Variants in SNTG1 observed in about 807,000 individuals in gnomAD.
SNTG1 encodes the protein gamma-1-syntrophin.
In SNTG1, 39 loss-of-function variants were observed where a neutral mutation model predicts 74.7. That is an observed-to-expected ratio of 0.52 (90% CI 0.40 to 0.68). The LOEUF (loss-of-function observed/expected upper bound fraction) is 0.68. SNTG1 is among the 30% of genes least tolerant of loss of function. The pLI is 0.00. For missense variants in SNTG1, 685 were observed against 609.5 expected, an observed-to-expected ratio of 1.12 and a Z score of -1.30; for synonymous variants, 254 against 217.1, an observed-to-expected ratio of 1.17 and a Z score of -1.49.
At chr8:50,245,495 C>T (rs1040226427) in intron 2 of SNTG1, among the ~76,000 whole-genome samples, 9 of 152,082 alleles carry the variant, frequency 5.9e-5, no homozygotes, top group African/African-American at 1.4e-4. Flanking sequence ...CCATCCTGGC[C>T]GACATGATGA....
At position 50,266,379 on chromosome 8, in the gene SNTG1, C is replaced by T. The variant is rs190141347; in HGVS notation, c.-28+93744C>T. On this transcript the variant is annotated intron_variant, in intron 2 of 18. Transcript: ENST00000642720. The stretch of plus-strand genomic sequence containing the variant: ...ACTTATCCTGAAACAACTAGTTATA[C>T]GTAAGCAAATGAATGAAGTTGGATC... Among the ~76,000 whole-genome samples, 133 of 151,836 alleles carry T rather than the reference C, an allele frequency of 8.8e-4. No homozygotes were observed. The South Asian group carries it at 0.012, about 14-fold the overall frequency.
intron 1 of SNTG1, among the ~76,000 whole-genome samples, chr8:49,988,863 G>A (rs1018958029): frequency 6.6e-6 from 1 of 151,516 alleles, no homozygotes; most frequent in Non-Finnish European, 1.5e-5. Flanking sequence ...AAATGAAAAA[G>A]CAGCAAAATA....
chr8:50,444,843 G>A (rs2131597194), intron 5 of SNTG1, among the ~76,000 whole-genome samples: 1 of 151,730 alleles, frequency 6.6e-6, no homozygotes, highest in Admixed American at 6.6e-5. Flanking sequence ...TGAAACCACT[G>A]GTCAATTATC....
At chr8:50,410,773 C>A (rs1587519913) in intron 4 of SNTG1, among the ~76,000 whole-genome samples, 1 of 152,112 alleles carries the variant, frequency 6.6e-6, no homozygotes, top group Non-Finnish European at 1.5e-5. Context: ...ATTTGTCTTT[C>A]TGTGCCTGAC....
intron 15 of SNTG1, among the ~76,000 whole-genome samples, chr8:50,662,025 TCTGGCCTTCTCCTGTGTCAGGATCA>T (rs912227306): frequency 3.9e-5 from 6 of 152,160 alleles, no homozygotes; most frequent in Non-Finnish European, 7.3e-5. Flanking sequence ...CAGATTACCT[TCTGGCCTTCTCCTGTGTCAGGATCA>T]CTGGTTGATA....
At chr8:50,210,601 A>G (rs1303353703) in intron 2 of SNTG1, among the ~76,000 whole-genome samples, 1 of 152,200 alleles carries the variant, frequency 6.6e-6, no homozygotes, top group Non-Finnish European at 1.5e-5. Context: ...AGAATTTTCA[A>G]CCCAGAATTT....
At position 50,446,243 on chromosome 8, in the gene SNTG1, C is replaced by T. The variant is rs115367197; in HGVS notation, c.220-3425C>T. 2.6e-3 allele frequency among the ~76,000 whole-genome samples: 391 copies of T among 152,266 alleles called. 2 individuals carry two copies. The highest frequency in any genetic ancestry group is 9.1e-3 in the African/African-American group (378 of 41,558). ...AGCAGCTGAGCTGCTCACATTTTCT[C>T]CAGTAATGAAGGCAGCGTGATTTTG... On this transcript the variant is annotated intron_variant, in intron 5 of 18. Transcript: ENST00000642720.
chr8:50,659,266 G>A (rs1007299733), intron 15 of SNTG1, among the ~76,000 whole-genome samples: 9 of 152,036 alleles, frequency 5.9e-5, no homozygotes, highest in South Asian at 2.1e-4. Flanking sequence ...TTTCTATAGC[G>A]TTTTTTAAAG....
chr8:50,703,307 C>A (rs2095432481), intron 15 of SNTG1, among the ~76,000 whole-genome samples: 1 of 151,698 alleles, frequency 6.6e-6, no homozygotes, highest in Non-Finnish European at 1.5e-5. Context: ...TTACAAATTA[C>A]TTTTTTATTT....
chr8:50,781,054 C>T (rs1365415090), intron 18 of SNTG1, among the ~76,000 whole-genome samples: 5 of 152,196 alleles, frequency 3.3e-5, no homozygotes, highest in African/African-American at 1.2e-4. Flanking sequence ...TTTGATTGCA[C>T]TGTGGTCTGA....
At chr8:50,333,805 C>T (rs552231925) in intron 2 of SNTG1, among the ~76,000 whole-genome samples, 28 of 152,070 alleles carry the variant, frequency 1.8e-4, no homozygotes, top group African/African-American at 6.5e-4. Flanking sequence ...TCAAATCCTC[C>T]AGAAAAAAAT....
At chr8:50,685,764 T>C (rs138762802) in intron 15 of SNTG1, among the ~76,000 whole-genome samples, 88 of 152,312 alleles carry the variant, frequency 5.8e-4, no homozygotes, top group African/African-American at 1.9e-3. Flanking sequence ...CACACACACA[T>C]ACAGCACATG....
intron 2 of SNTG1, among the ~76,000 whole-genome samples, chr8:50,270,928 G>A (rs2087745267): frequency 6.6e-6 from 1 of 152,162 alleles, no homozygotes; most frequent in African/African-American, 2.4e-5. Flanking sequence ...ATGCCTTTGG[G>A]TATAGTTGGA....
At chr8:50,215,737 A>T (rs1371646488) in intron 2 of SNTG1, among the ~76,000 whole-genome samples, 1 of 151,984 alleles carries the variant, frequency 6.6e-6, no homozygotes, top group African/African-American at 2.4e-5. Context: ...ATCTTCTGAG[A>T]CTAAAATCCA....
intron 13 of SNTG1, among the ~76,000 whole-genome samples, chr8:50,625,423 G>A (rs111937756): frequency 0.043 from 6,557 of 152,194 alleles, 247 homozygotes; most frequent in African/African-American, 0.095. Flanking sequence ...GAAGTCATGG[G>A]TATACTGATC....
chr8:50,650,981 A>T (rs567718626), intron 13 of SNTG1, among the ~76,000 whole-genome samples: 5 of 152,292 alleles, frequency 3.3e-5, no homozygotes, highest in African/African-American at 1.2e-4. Context: ...GATTACAGGC[A>T]TGAGCCACTG....
chr8:49,937,281 A>T (rs1297737049), intron 1 of SNTG1, among the ~76,000 whole-genome samples: 1 of 152,180 alleles, frequency 6.6e-6, no homozygotes, highest in African/African-American at 2.4e-5. Context: ...GCTAAACTAT[A>T]GTGGAGTGGA....
intron 8 of SNTG1, among the ~76,000 whole-genome samples, chr8:50,458,579 T>C (rs1460552206): frequency 2.0e-5 from 3 of 151,944 alleles, no homozygotes; most frequent in Middle Eastern, 3.2e-3. Flanking sequence ...AAGAAAAATA[T>C]CCAGACTTCT....
At chr8:50,531,968 T>C (rs1026215904) in intron 10 of SNTG1, among the ~76,000 whole-genome samples, 3 of 152,176 alleles carry the variant, frequency 2.0e-5, no homozygotes, top group African/African-American at 7.2e-5. Context: ...AAAACATATA[T>C]AGAATAATGT....
Sources: allele counts gnomAD v4.1 joint callset (sites outside exome capture counted in the v4.1 genomes callset), GRCh38; gene constraint gnomAD v4.1.1; transcripts MANE v1.5; gene names NCBI Gene and HGNC (gene_info 2026-07-23, HGNC 2026-07-21).